RNF217: variants seen among roughly 807,000 people sequenced by gnomAD.
RNF217 encodes the protein E3 ubiquitin-protein ligase RNF217.
A neutral mutation model predicts 57.8 loss-of-function variants in RNF217; 31 were observed. The observed-to-expected ratio is 0.54, with a 90% CI of 0.40 to 0.72. The LOEUF is 0.72. Among genes scored for constraint, RNF217 ranks in the 30% least tolerant of loss-of-function variants. RNF217 has a pLI of 0.00. For synonymous variants in RNF217, 313 were observed against 294.0 expected, an observed-to-expected ratio of 1.06 and a Z score of -0.66; for missense variants, 696 against 708.3, an observed-to-expected ratio of 0.98 and a Z score of 0.20.
intron 2 of RNF217, among the ~76,000 whole-genome samples, chr6:125,047,748 A>C (rs1787151345): frequency 6.6e-6 from 1 of 152,038 alleles, no homozygotes; most frequent in Non-Finnish European, 1.5e-5. Flanking sequence ...AGTAGAGGAA[A>C]AGAAAATTTG....
intron 1 of RNF217, among the ~76,000 whole-genome samples, chr6:124,997,181 G>T (rs975717843): frequency 2.4e-4 from 36 of 152,190 alleles, no homozygotes; most frequent in African/African-American, 8.4e-4. Context: ...AGAATCCTCT[G>T]TTTAAAATGT....
intron 2 of RNF217, among the ~76,000 whole-genome samples, chr6:125,048,749 G>T (rs895598073): frequency 6.6e-6 from 1 of 152,006 alleles, no homozygotes; most frequent in Non-Finnish European, 1.5e-5. Flanking sequence ...TACTCAGCAG[G>T]TGGATAAAGG....
intron 1 of RNF217, among the ~76,000 whole-genome samples, chr6:125,006,962 A>C (rs138498007): frequency 1.2e-3 from 186 of 152,358 alleles, no homozygotes; most frequent in African/African-American, 4.1e-3. Context: ...AAAAGAAAAA[A>C]AGAATGCATG....
At chr6:124,974,192 C>T (rs1232459230) in intron 1 of RNF217, among the ~76,000 whole-genome samples, 2 of 152,178 alleles carry the variant, frequency 1.3e-5, no homozygotes, top group Non-Finnish European at 2.9e-5. Flanking sequence ...GGGACATTGA[C>T]CTCAACTTAT....
intron 1 of RNF217, among the ~76,000 whole-genome samples, chr6:124,979,133 T>C (rs11754841): frequency 0.3 from 45,347 of 152,074 alleles, 7,856 homozygotes; most frequent in South Asian, 0.48. Context: ...GGCTTCAGGC[T>C]GTCTTGGCTT....
intron 1 of RNF217, among the ~76,000 whole-genome samples, chr6:124,994,405 A>T (rs541940598): frequency 6.6e-6 from 1 of 152,316 alleles, no homozygotes; most frequent in South Asian, 2.1e-4. Flanking sequence ...CGGAGACATA[A>T]TTACACCTAA....
intron 1 of RNF217, among the ~76,000 whole-genome samples, chr6:124,969,931 C>T (rs1582650615): frequency 6.6e-6 from 1 of 151,956 alleles, no homozygotes; most frequent in East Asian, 1.9e-4. Flanking sequence ...TTCATGATGC[C>T]AATGAAGGAA....
At chr6:125,019,001 G>A (rs1023997516) in intron 1 of RNF217, among the ~76,000 whole-genome samples, 8 of 152,146 alleles carry the variant, frequency 5.3e-5, no homozygotes, top group Non-Finnish European at 1.2e-4. Flanking sequence ...CTTCTCTGGG[G>A]AAAGTGTACA....
intron 1 of RNF217, among the ~76,000 whole-genome samples, chr6:124,980,236 A>G (rs991804417): frequency 6.6e-6 from 1 of 152,210 alleles, no homozygotes. Context: ...ACTGATTGTC[A>G]GAATCAGTTT....
chr6:125,088,534 A>G lies in RNF217; in HGVS notation c.*5597A>G, dbSNP rs1003277283. 3 of 152,198 alleles carry G rather than the reference A, an allele frequency of 2.0e-5. No homozygotes were observed. Among genetic ancestry groups the G allele is most frequent in the African/African-American group, 4.8e-5 (2 of 41,458 alleles). 9.4% of individuals were successfully genotyped at this position (152,198 alleles called of 1,614,324 possible). On this transcript the variant is annotated 3_prime_UTR_variant, in exon 6 of 6. Coordinates refer to ENST00000521654, the MANE Select transcript of RNF217 (RefSeq NM_001286398.3). ...TTGGAGCATTAGCTGAAGCTTTACC[A>G]TATCACATACCTTACAAAATCCCTA...
intron 1 of RNF217, among the ~76,000 whole-genome samples, chr6:125,015,818 A>G (rs1785579639): frequency 6.6e-6 from 1 of 152,164 alleles, no homozygotes; most frequent in East Asian, 1.9e-4. Flanking sequence ...ATTTCTAAGA[A>G]CTAACATTTG....
intron 3 of RNF217, among the ~76,000 whole-genome samples, chr6:125,069,858 A>ATT (rs199994295): frequency 1.3e-5 from 2 of 151,464 alleles, no homozygotes; most frequent in South Asian, 2.1e-4. Context: ...ATCTCAGGGG[A>ATT]TTTTTTTTAT....
intron 1 of RNF217, among the ~76,000 whole-genome samples, chr6:125,032,810 G>T (rs1239432319): frequency 6.6e-6 from 1 of 152,154 alleles, no homozygotes; most frequent in African/African-American, 2.4e-5. Flanking sequence ...AGTAAGGAGG[G>T]AAGAAAAGTT....
At chr6:124,989,637 A>ATTTTTGAG (rs1784482101) in intron 1 of RNF217, among the ~76,000 whole-genome samples, 1 of 151,972 alleles carries the variant, frequency 6.6e-6, no homozygotes, top group African/African-American at 2.4e-5. Context: ...AAACACTTAA[A>ATTTTTGAG]TTTGATATAA....
At chr6:125,065,488 C>T (rs1375132149) in intron 3 of RNF217, among the ~76,000 whole-genome samples, 3 of 152,200 alleles carry the variant, frequency 2.0e-5, no homozygotes, top group African/African-American at 7.2e-5. Flanking sequence ...TAAATGCCAG[C>T]CCCACCATCT....
At chr6:125,050,563 C>T (rs1368120691) in intron 2 of RNF217, among the ~76,000 whole-genome samples, 3 of 151,914 alleles carry the variant, frequency 2.0e-5, no homozygotes, top group Admixed American at 2.0e-4. Context: ...TTTAAGAATA[C>T]AGTCAAATCA....
rs140177984 is a variant in RNF217, at chr6:125,057,965, C to T, written c.1140C>T (p.Phe380=). Residue 380 remains phenylalanine (F), a synonymous_variant, in exon 3 of 6, where the codon TTC becomes TTT. Coordinates refer to ENST00000521654, the MANE Select transcript of RNF217 (RefSeq NM_001286398.3). ...KYKIQCPTCQ[F]VWCFKCHSPW... ...AGATCCAGTGCCCTACCTGCCAATTCGTCTGGTGTTTTAAGTGCCACTCTC... is the reference window on the plus strand; with the variant it reads ...AGATCCAGTGCCCTACCTGCCAATTTGTCTGGTGTTTTAAGTGCCACTCTC... The T allele has an allele frequency of 7.5e-6, 12 of 1,610,526 alleles. No homozygotes were observed. The African/African-American group carries it at 9.4e-5, about 13-fold the overall frequency.
intron 1 of RNF217, chr6:124,971,414 A>G: frequency 4.0e-6 from 1 of 249,938 alleles, no homozygotes; most frequent in Non-Finnish European, 8.3e-6. Context: ...AATTTGGCTT[A>G]GGAAAGCTAT....
chr6:125,077,479 C>T (rs1328526825), intron 4 of RNF217, among the ~76,000 whole-genome samples: 1 of 152,150 alleles, frequency 6.6e-6, no homozygotes, highest in African/African-American at 2.4e-5. Context: ...ACCCCCTCTT[C>T]CTCAACAACA....
Sources: gnomAD v4.1 joint callset for allele counts (sites outside exome capture counted in the v4.1 genomes callset) on GRCh38, gnomAD v4.1.1 for gene constraint, MANE v1.5 for transcripts, NCBI Gene and HGNC (gene_info 2026-07-23, HGNC 2026-07-21) for gene names.